Variants in RHBDL3 observed in about 807,000 individuals in gnomAD.
The protein encoded by RHBDL3 is rhomboid like 3.
RHBDL3 carries 28 observed loss-of-function variants against 48.2 expected under a neutral mutation model. The observed-to-expected ratio is 0.58, with a 90% confidence interval of 0.43 to 0.80. The LOEUF (loss-of-function observed/expected upper bound fraction) is 0.80, where lower values mean the gene tolerates loss of function less well. RHBDL3 is among the 30% of genes least tolerant of loss of function. The pLI, the probability that RHBDL3 is intolerant of heterozygous loss-of-function variation, is 0.00. For synonymous variants in RHBDL3, 208 were observed against 232.3 expected (o/e 0.90, Z 0.95); for missense variants, 464 against 542.7 (o/e 0.85, Z 1.44).
At chr17:32,291,688 AAAAC>A (rs910886750) in intron 4 of RHBDL3, among the ~76,000 whole-genome samples, 4 of 152,092 alleles carry the variant, frequency 2.6e-5, no homozygotes, top group Non-Finnish European at 5.9e-5. Flanking sequence ...TTTCAAAACA[AAAAC>A]AAACAAAAAA....
At chr17:32,320,896 G>C in intron 8 of RHBDL3, 62 bp from the exon 9 acceptor site, 6 of 1,210,762 alleles carry the variant, frequency 5.0e-6, no homozygotes, top group Non-Finnish European at 7.2e-6. Flanking sequence ...GTGATGAAGT[G>C]AAGGCCCTCA....
At chr17:32,275,847 C>G (rs894344176) in intron 2 of RHBDL3, among the ~76,000 whole-genome samples, 3 of 152,188 alleles carry the variant, frequency 2.0e-5, no homozygotes, top group African/African-American at 7.2e-5. Flanking sequence ...ATCCCAGAAT[C>G]GTGGAGGCTT....
chr17:32,295,177 C>T (rs1460546088), intron 5 of RHBDL3, among the ~76,000 whole-genome samples: 1 of 152,184 alleles, frequency 6.6e-6, no homozygotes, highest in Non-Finnish European at 1.5e-5. Flanking sequence ...GGGTGCCTGG[C>T]CCTGGAGTGG....
intron 1 of RHBDL3, 145 bp from the exon 2 acceptor site, chr17:32,267,757 C>T (rs2039671147): frequency 2.0e-6 from 3 of 1,467,896 alleles, no homozygotes; most frequent in East Asian, 5.4e-5. Context: ...TCTCCTGTGG[C>T]CAGTCCCTGA....
intron 2 of RHBDL3, among the ~76,000 whole-genome samples, chr17:32,282,537 G>C (rs541436352): frequency 2.0e-5 from 3 of 152,296 alleles, no homozygotes; most frequent in Non-Finnish European, 4.4e-5. Context: ...CTTCACCCCA[G>C]CCTGGGTGAC....
At chr17:32,302,066 G>T (rs568509915) in intron 6 of RHBDL3, among the ~76,000 whole-genome samples, 12 of 152,164 alleles carry the variant, frequency 7.9e-5, no homozygotes, top group Admixed American at 2.0e-4. Flanking sequence ...GAGAACTAAG[G>T]CCCATGGTTT....
At chr17:32,318,233 T>C (rs992775630) in intron 8 of RHBDL3, among the ~76,000 whole-genome samples, 23 of 151,434 alleles carry the variant, frequency 1.5e-4, no homozygotes, top group African/African-American at 5.3e-4. Context: ...TGGTGGCTTA[T>C]GCCTATAGTC....
chr17:32,296,328 T>C, intron 5 of RHBDL3, among the ~76,000 whole-genome samples: 1 of 121,858 alleles, frequency 8.2e-6, no homozygotes. Flanking sequence ...GCAGAATAGG[T>C]CTCTTTTTTT....
chr17:32,316,837 ATATTT>A (rs1207007378), intron 8 of RHBDL3, among the ~76,000 whole-genome samples: 3 of 148,920 alleles, frequency 2.0e-5, no homozygotes, highest in Non-Finnish European at 3.0e-5. Flanking sequence ...ATTTTATTTT[ATATTT>A]TATTTTATTT....
chr17:32,309,770 C>CTTTTTT (rs11346917), intron 7 of RHBDL3, among the ~76,000 whole-genome samples: 1 of 124,760 alleles, frequency 8.0e-6, no homozygotes, highest in African/African-American at 3.1e-5. Context: ...ATCAAGACTT[C>CTTTTTT]TTTTTTTTTT....
rs541003317 is a variant in RHBDL3, at chr17:32,292,888, G to T, written c.520-1406G>T. Among the ~76,000 whole-genome samples, 26 of 150,848 alleles carry T rather than the reference G, an allele frequency of 1.7e-4. 1 individual carries two copies. In the South Asian group the frequency reaches 2.7e-3, roughly 16 times the overall value. On this transcript the variant is annotated intron_variant, in intron 4 of 8. Coordinates refer to ENST00000269051, the MANE Select transcript of RHBDL3 (RefSeq NM_138328.3). ...CAGCACTTGAGGAGGCAGGAAGATC[G>T]CTTGAGCCCAGGAGTTCAAGACCAG...
At chr17:32,296,371 T>C (rs1422935694) in intron 5 of RHBDL3, among the ~76,000 whole-genome samples, 1 of 130,694 alleles carries the variant, frequency 7.7e-6, no homozygotes, top group Non-Finnish European at 1.6e-5. Context: ...AGTCTCGTTG[T>C]GTCACCCAGG....
intron 4 of RHBDL3, among the ~76,000 whole-genome samples, chr17:32,292,165 AAG>A (rs926137408): frequency 1.3e-5 from 2 of 152,236 alleles, no homozygotes; most frequent in South Asian, 2.1e-4. Flanking sequence ...AGAAAAAAAA[AAG>A]AGTTAAATAC....
chr17:32,271,536 C>G (rs2039775036), intron 2 of RHBDL3, among the ~76,000 whole-genome samples: 1 of 152,122 alleles, frequency 6.6e-6, no homozygotes, highest in Non-Finnish European at 1.5e-5. Context: ...TAGTCAAAGG[C>G]CAAATAGCGG....
rs985229210 is a variant in RHBDL3, at chr17:32,281,135, C to A, written c.136-3524C>A. 2.0e-5 allele frequency among the ~76,000 whole-genome samples: 3 copies of A among 152,174 alleles called. No individual in the cohort carries two copies. In the East Asian group the frequency reaches 5.8e-4, roughly 29 times the overall value. On this transcript the variant is annotated intron_variant, in intron 2 of 8. Transcript: ENST00000269051. The stretch of plus-strand genomic sequence containing the variant: ...AGAGTTTTGGCAGAGAACCGAGGCT[C>A]GGCCTGATTCCAGCTTGTTCTCTGC...
At chr17:32,310,489 C>T (rs997183393) in intron 7 of RHBDL3, among the ~76,000 whole-genome samples, 3 of 151,976 alleles carry the variant, frequency 2.0e-5, no homozygotes, top group African/African-American at 4.8e-5. Context: ...CTGAGGCAGG[C>T]GGATCACAAG....
intron 1 of RHBDL3, among the ~76,000 whole-genome samples, chr17:32,267,531 C>T (rs1035266971): frequency 6.6e-6 from 1 of 151,750 alleles, no homozygotes; most frequent in African/African-American, 2.4e-5. Context: ...CTGGGAGTAG[C>T]TGTGGACATA....
intron 8 of RHBDL3, among the ~76,000 whole-genome samples, chr17:32,318,904 C>T (rs1312508188): frequency 1.3e-5 from 2 of 152,082 alleles, no homozygotes; most frequent in Non-Finnish European, 2.9e-5. Context: ...CAGGTCTGCC[C>T]CTGACCCTCT....
chr17:32,292,555 A>G (rs186265941), intron 4 of RHBDL3, among the ~76,000 whole-genome samples: 1 of 152,318 alleles, frequency 6.6e-6, no homozygotes, highest in East Asian at 1.9e-4. Context: ...TGGTAATACC[A>G]GCACTTTGTG....
Sources: gnomAD v4.1 joint callset for allele counts (sites outside exome capture counted in the v4.1 genomes callset) on GRCh38, gnomAD v4.1.1 for gene constraint, MANE v1.5 for transcripts, NCBI Gene and HGNC (gene_info 2026-07-23, HGNC 2026-07-21) for gene names.